The following NRXN3 variants were observed in gnomAD, a reference collection of about 807,000 sequenced individuals.
NRXN3 encodes neurexin III.
A neutral mutation model predicts 137.6 loss-of-function variants in NRXN3; 32 were observed. The ratio of observed to expected loss-of-function variants is 0.23; its 90% CI spans 0.18 to 0.31. The LOEUF is 0.31. NRXN3 is among the 10% of genes least tolerant of loss of function. The pLI, the probability that NRXN3 is intolerant of heterozygous loss-of-function variation, is 1.00. For synonymous variants in NRXN3, 798 were observed against 784.5 expected (o/e 1.02, Z -0.29); for missense variants, 1,574 against 2,062.5 (o/e 0.76, Z 4.59).
intron 16 of NRXN3, among the ~76,000 whole-genome samples, chr14:79,534,732 T>C (rs548029128): frequency 6.6e-6 from 1 of 152,284 alleles, no homozygotes; most frequent in South Asian, 2.1e-4. Flanking sequence ...AGTGACTTGT[T>C]TGCAATTGAA....
At chr14:78,755,241 G>A (rs1363319819) in intron 8 of NRXN3, among the ~76,000 whole-genome samples, 3 of 144,602 alleles carry the variant, frequency 2.1e-5, no homozygotes, top group Non-Finnish European at 4.5e-5. Context: ...CGCCCAGACT[G>A]TTTTCAAACT....
chr14:79,048,159 A>G (rs1420743892), intron 15 of NRXN3, among the ~76,000 whole-genome samples: 1 of 152,216 alleles, frequency 6.6e-6, no homozygotes, highest in African/African-American at 2.4e-5. Flanking sequence ...GGAGAGAAAG[A>G]CACCAAAGAG....
At chr14:79,461,531 G>T (rs2096340947) in intron 15 of NRXN3, among the ~76,000 whole-genome samples, 1 of 152,108 alleles carries the variant, frequency 6.6e-6, no homozygotes, top group Non-Finnish European at 1.5e-5. Flanking sequence ...CTAAGTAAAA[G>T]AAATTGAGAA....
chr14:79,177,490 A>G (rs932459510), intron 15 of NRXN3, among the ~76,000 whole-genome samples: 5 of 152,234 alleles, frequency 3.3e-5, no homozygotes, highest in Non-Finnish European at 7.3e-5. Context: ...AGATGCTTTG[A>G]TAAATTTTTG....
chr14:79,678,369 T>C (rs1209253836), intron 17 of NRXN3, among the ~76,000 whole-genome samples: 1 of 152,128 alleles, frequency 6.6e-6, no homozygotes, highest in Non-Finnish European at 1.5e-5. Flanking sequence ...TAAGCATCCT[T>C]CTCTATAAAT....
chr14:78,309,019 A>C (rs4903745), intron 4 of NRXN3, among the ~76,000 whole-genome samples: 45,152 of 152,048 alleles, frequency 0.3, 7,316 homozygotes, highest in East Asian at 0.38. Flanking sequence ...TATGAAGTTG[A>C]TGAAAGGACT....
At chr14:78,410,702 C>A (rs1208388123) in intron 4 of NRXN3, among the ~76,000 whole-genome samples, 1 of 152,126 alleles carries the variant, frequency 6.6e-6, no homozygotes, top group Non-Finnish European at 1.5e-5. Flanking sequence ...ATGAAAAAAC[C>A]TCCTTAGTTG....
At position 79,308,869 on chromosome 14, in the gene NRXN3, AATTTT is replaced by A. The variant is rs1216069203; in HGVS notation, c.3263-158331_3263-158327del. 6.7e-4 allele frequency among the ~76,000 whole-genome samples: 79 copies of A among 117,342 alleles called. 1 individual carries two copies. The highest frequency in any genetic ancestry group is 1.3e-3 in the Non-Finnish European group (72 of 55,828). The allele number at this position is 117,342 out of a possible 152,430, so 77.0% of individuals were successfully genotyped here. A position where few individuals can be genotyped will look rare whatever the true frequency, so the allele number is the denominator to read the frequency against. ...CTTTTTTTTTTTTTTTTTTGTGAGT[AATTTT>A]ATTTTATTTTATTTTATTTTTTTTT... is the stretch of plus-strand genomic sequence containing the variant. On this transcript the variant is annotated intron_variant, in intron 15 of 20. Transcript: ENST00000335750.
chr14:79,432,423 GTA>G (rs1444002828), intron 15 of NRXN3, among the ~76,000 whole-genome samples: 1 of 152,060 alleles, frequency 6.6e-6, no homozygotes, highest in African/African-American at 2.4e-5. Flanking sequence ...TAAACAGAAT[GTA>G]AAGTACTATT....
intron 15 of NRXN3, among the ~76,000 whole-genome samples, chr14:79,464,017 A>G (rs1446250386): frequency 6.6e-6 from 1 of 152,196 alleles, no homozygotes; most frequent in Non-Finnish European, 1.5e-5. Context: ...TAAAATTAAC[A>G]CGAAGTATGT....
intron 15 of NRXN3, among the ~76,000 whole-genome samples, chr14:79,409,131 A>G (rs1348856323): frequency 6.6e-6 from 1 of 152,100 alleles, no homozygotes; most frequent in Non-Finnish European, 1.5e-5. Flanking sequence ...GTAAACTGCA[A>G]TCTTTGCAAA....
chr14:78,620,773 G>A (rs2097396126), intron 4 of NRXN3, among the ~76,000 whole-genome samples: 2 of 152,086 alleles, frequency 1.3e-5, no homozygotes, highest in African/African-American at 4.8e-5. Flanking sequence ...TACAACCTCA[G>A]GTGAGAGCTA....
intron 20 of NRXN3, among the ~76,000 whole-genome samples, chr14:79,834,599 C>A (rs1481071693): frequency 1.3e-5 from 2 of 152,082 alleles, no homozygotes; most frequent in Non-Finnish European, 2.9e-5. Flanking sequence ...TAAACCATAA[C>A]CCTAAACATG....
chr14:79,181,411 G>T (rs564787502), intron 15 of NRXN3, among the ~76,000 whole-genome samples: 1 of 151,944 alleles, frequency 6.6e-6, no homozygotes, highest in Admixed American at 6.6e-5. Context: ...GGCTGGGCAC[G>T]GTGGCTCACG....
intron 1 of NRXN3, among the ~76,000 whole-genome samples, chr14:78,182,746 C>G (rs2153355929): frequency 6.6e-6 from 1 of 152,322 alleles, no homozygotes; most frequent in South Asian, 2.1e-4. Flanking sequence ...GCTGGGATTA[C>G]AAGTGTGAGC....
intron 14 of NRXN3, among the ~76,000 whole-genome samples, chr14:78,981,865 C>G (rs1290863828): frequency 1.3e-5 from 2 of 152,122 alleles, no homozygotes; most frequent in African/African-American, 4.8e-5. Context: ...ACATTAAATA[C>G]ATTGACATAA....
At chr14:78,997,888 C>G (rs956237215) in intron 15 of NRXN3, among the ~76,000 whole-genome samples, 2 of 152,152 alleles carry the variant, frequency 1.3e-5, no homozygotes, top group Non-Finnish European at 2.9e-5. Context: ...TAAATGGAAT[C>G]ATACAATATG....
At chr14:79,015,634 C>T (rs1452878423) in intron 15 of NRXN3, among the ~76,000 whole-genome samples, 1 of 152,162 alleles carries the variant, frequency 6.6e-6, no homozygotes, top group Non-Finnish European at 1.5e-5. Context: ...TAAGGCCCGC[C>T]TCCCAAGTCC....
Position 79,564,101 on chromosome 14 carries a change from C to T in NRXN3, c.3444+96699C>T, listed in dbSNP as rs746053778. Reference sequence around the variant, plus strand: ...CTCAGAGTTACGGTTTTTAATAATACGCAAAATTACATGTGTAAGTGTATT... The same window carrying T: ...CTCAGAGTTACGGTTTTTAATAATATGCAAAATTACATGTGTAAGTGTATT... On this transcript the variant is annotated intron_variant, in intron 16 of 20. Coordinates refer to ENST00000335750, the MANE Select transcript of NRXN3 (RefSeq NM_001330195.2). Among the ~76,000 whole-genome samples the T allele has an allele frequency of 1.7e-4, 25 of 151,312 alleles. No individual in the cohort carries two copies. In the Middle Eastern group the frequency reaches 0.01, roughly 62 times the overall value.
Sources: gnomAD v4.1 joint callset for allele counts (sites outside exome capture counted in the v4.1 genomes callset) on GRCh38, gnomAD v4.1.1 for gene constraint, MANE v1.5 for transcripts, NCBI Gene and HGNC (gene_info 2026-07-23, HGNC 2026-07-21) for gene names.